PLPBP: variants seen among roughly 807,000 people sequenced by gnomAD.
PLPBP encodes pyridoxal phosphate homeostasis protein.
PLPBP carries 21 observed loss-of-function variants against 31.2 expected under a neutral mutation model. The observed-to-expected ratio is 0.67, with a 90% CI of 0.48 to 0.97. The LOEUF (loss-of-function observed/expected upper bound fraction) is 0.97, where lower values mean the gene tolerates loss of function less well. Ranked by LOEUF, PLPBP falls within the 50% of genes least tolerant of loss-of-function variation. PLPBP has a pLI of 0.00. For synonymous variants in PLPBP, 124 were observed against 135.6 expected, an observed-to-expected ratio of 0.91 and a Z score of 0.59; for missense variants, 308 against 354.4, an observed-to-expected ratio of 0.87 and a Z score of 1.05.
chr8:37,769,962 G>C (rs1803727407), intron 4 of PLPBP, among the ~76,000 whole-genome samples: 1 of 152,162 alleles, frequency 6.6e-6, no homozygotes, highest in Admixed American at 6.5e-5. Context: ...AATGAAAACT[G>C]TAAAACACTG....
At chr8:37,766,722 G>A in intron 4 of PLPBP, 6 of 815,918 alleles carry the variant, frequency 7.4e-6, no homozygotes, top group African/African-American at 1.9e-5. Flanking sequence ...ATACAGTAAA[G>A]TAAGTATAGT....
In PLPBP at chr8:37,776,053, G is replaced by T. The variant is rs368064212; in HGVS notation, c.696+37G>T. Reference sequence around the variant, plus strand: ...GCCAGTGCCCTGTCTGCCTCGAGGGGTGGGGGTAGGGGGTCTGAGAGGCTG... The same window carrying T: ...GCCAGTGCCCTGTCTGCCTCGAGGGTTGGGGGTAGGGGGTCTGAGAGGCTG... On this transcript the variant is annotated intron_variant, in intron 7 of 7. Coordinates refer to ENST00000328195, the MANE Select transcript of PLPBP (RefSeq NM_007198.4). 4 of 1,572,780 alleles carry T rather than the reference G, an allele frequency of 2.5e-6. No individual in the cohort carries two copies. In the Admixed American group the frequency reaches 6.7e-5, roughly 26 times the overall value.
chr8:37,775,394 C>G lies in PLPBP; in HGVS notation c.510C>G (p.Ala170=), dbSNP rs1228853601. Residue 170 remains alanine, a synonymous_variant, in exon 6 of 8, where the codon GCC becomes GCG. Coordinates refer to ENST00000328195, the MANE Select transcript of PLPBP (RefSeq NM_007198.4). ...TAGCCATCGTGGAGCACATAAACGC[C>G]AAGTGTCCTAACCTGGAGTTTGTGG... ...ETIAIVEHIN[A]KCPNLEFVGL... is the part of the protein sequence containing the mutation. 2 of 1,614,060 alleles carry G rather than the reference C, an allele frequency of 1.2e-6. No individual in the cohort carries two copies. Among genetic ancestry groups the G allele is most frequent in the African/African-American group, 2.7e-5 (2 of 74,912 alleles).
At position 37,775,493 on chromosome 8, in the gene PLPBP, T is replaced by C; in HGVS notation, c.597+12T>C. 1 of 1,613,006 alleles carries C rather than the reference T, an allele frequency of 6.2e-7. No individual in the cohort carries two copies. The highest frequency in any genetic ancestry group is 2.2e-5 in the East Asian group (1 of 44,870). Reference sequence around the variant, plus strand: ...ATCCAGACTTCCAGGTACTGGGGGGTCGGGGAGATTGCTCGTGTGCTAAAG... The same window carrying C: ...ATCCAGACTTCCAGGTACTGGGGGGCCGGGGAGATTGCTCGTGTGCTAAAG... On this transcript the variant is annotated intron_variant, in intron 6 of 7. Coordinates refer to ENST00000328195, the MANE Select transcript of PLPBP (RefSeq NM_007198.4).
intron 5 of PLPBP, 110 bp from the exon 6 acceptor site, chr8:37,775,229 G>A (rs530331107): frequency 1.5e-6 from 2 of 1,297,746 alleles, no homozygotes; most frequent in African/African-American, 1.5e-5. Context: ...CTTTCAAGAG[G>A]TTCTCTTGTT....
intron 4 of PLPBP, among the ~76,000 whole-genome samples, chr8:37,772,063 A>G (rs1013850325): frequency 1.3e-5 from 2 of 152,272 alleles, no homozygotes; most frequent in African/African-American, 2.4e-5. Flanking sequence ...ATACTTGTAC[A>G]TAGCACCAAG....
Position 37,767,036 on chromosome 8 carries a change from G to C in PLPBP, c.319+681G>C, listed in dbSNP as rs148253675. 7.1e-3 allele frequency among the ~76,000 whole-genome samples: 627 copies of C among 87,960 alleles called. 6 individuals carry two copies. Among genetic ancestry groups the C allele is most frequent in the African/African-American group, 0.028 (595 of 21,438 alleles). The allele number at this position is 87,960 out of a possible 152,430, so 57.7% of individuals were successfully genotyped here. On this transcript the variant is annotated intron_variant, in intron 4 of 7. Coordinates refer to ENST00000328195, the MANE Select transcript of PLPBP (RefSeq NM_007198.4). Reference sequence around the variant, plus strand: ...CACTCCAGACTAGGTAACAGAGCAAGACTTCATCCCAAAAAAAAAAAAAAA... The same window carrying C: ...CACTCCAGACTAGGTAACAGAGCAACACTTCATCCCAAAAAAAAAAAAAAA...
chr8:37,778,211 A>G lies in PLPBP; in HGVS notation c.*107A>G. 7.3e-7 allele frequency: 1 copy of G among 1,370,820 alleles called. No individual in the cohort carries two copies. The highest frequency in any genetic ancestry group is 9.9e-7 in the Non-Finnish European group (1 of 1,006,736). 84.9% of individuals were successfully genotyped at this position (1,370,820 alleles called of 1,614,324 possible). Reference sequence around the variant, plus strand: ...TCTCCTGTGACCTGTGGAGAGCACTAATGATCACGTGTGTTGATGGAAACC... The same window carrying G: ...TCTCCTGTGACCTGTGGAGAGCACTGATGATCACGTGTGTTGATGGAAACC... On this transcript the variant is annotated 3_prime_UTR_variant, in exon 8 of 8. Coordinates refer to ENST00000328195, the MANE Select transcript of PLPBP (RefSeq NM_007198.4).
At position 37,765,632 on chromosome 8, in the gene PLPBP, A is replaced by G; in HGVS notation, c.206A>G (p.Tyr69Cys). The stretch of plus-strand genomic sequence containing the variant: ...GGGCAGCGCACTTTTGGCGAGAACT[A>G]CGTAAGAGCCCTTTCCTGAAGCCCT... ...GHGQRTFGENYVQELLEKASN... is the reference protein window; with the variant it reads ...GHGQRTFGENCVQELLEKASN... Residue 69 changes from tyrosine (Y) to cysteine (C), a missense_variant and splice_region_variant, in exon 2 of 8, where the codon TAC (tyrosine) becomes TGC (cysteine). By Grantham distance (194) the Tyr-to-Cys change is radical. Transcript: ENST00000328195. 2 of 1,614,230 alleles carry G rather than the reference A, an allele frequency of 1.2e-6. No individual in the cohort carries two copies. The highest frequency in any genetic ancestry group is 1.7e-6 in the Non-Finnish European group (2 of 1,180,046).
At position 37,764,213 on chromosome 8, in the gene PLPBP, C is replaced by T. The variant is rs555760548; in HGVS notation, c.100-1313C>T. ...CACCTCCCGGGTTCACGCAATTCTC[C>T]TGCCTCAGCCTCCTGAGTAGCTGGG... is the stretch of plus-strand genomic sequence containing the variant. On this transcript the variant is annotated intron_variant, in intron 1 of 7. Transcript: ENST00000328195. Among the ~76,000 whole-genome samples, 19 of 152,222 alleles carry T rather than the reference C, an allele frequency of 1.2e-4. No individual in the cohort carries two copies. The South Asian group carries it at 3.7e-3, about 30-fold the overall frequency.
chr8:37,776,105 A>T (rs1803901410), intron 7 of PLPBP, 89 bp downstream of exon 7: 1 of 1,273,408 alleles, frequency 7.9e-7, no homozygotes, highest in Admixed American at 1.8e-5. Flanking sequence ...TTGCTGTAGA[A>T]GCCTTGGAAA....
chr8:37,768,472 T>C (rs943953596), intron 4 of PLPBP, among the ~76,000 whole-genome samples: 7 of 140,402 alleles, frequency 5.0e-5, no homozygotes, highest in South Asian at 2.4e-4. Context: ...TTTCTTTTTT[T>C]TTTTTTTTTT....
At chr8:37,765,872 A>G in intron 3 of PLPBP, 126 bp downstream of exon 3, 1 of 1,002,576 alleles carries the variant, frequency 1.0e-6, no homozygotes, top group Middle Eastern at 3.1e-4. Context: ...TGGGCCAGGG[A>G]TAGAAATGTC....
In PLPBP at chr8:37,765,867, C is replaced by A. The variant is rs989853275; in HGVS notation, c.243+121C>A. On this transcript the variant is annotated intron_variant, in intron 3 of 7. Coordinates refer to ENST00000328195, the MANE Select transcript of PLPBP (RefSeq NM_007198.4). ...TAGGGTGGTTGACTTTAGATTGGGC[C>A]AGGGATAGAAATGTCAGCTTCCTCC... 4.5e-5 allele frequency: 48 copies of A among 1,054,988 alleles called. No homozygotes were observed. In the Admixed American group the frequency reaches 1.1e-3, roughly 24 times the overall value. The allele number at this position is 1,054,988 out of a possible 1,614,324, so 65.4% of individuals were successfully genotyped here.
intron 6 of PLPBP, 80 bp from the exon 7 acceptor site, chr8:37,775,838 T>A (rs1803887843): frequency 3.0e-6 from 4 of 1,344,820 alleles, no homozygotes; most frequent in Admixed American, 1.7e-5. Flanking sequence ...ATAACCGTTG[T>A]CAGAGAAGTT....
rs764045400 is a variant in PLPBP, at chr8:37,778,045, AC to A, written c.773del (p.Pro258ArgfsTer8). Reference protein sequence around the residue: ...FGERDYSKKPTPDKCAADVKA... With the variant: ...FGERDYSKKPXPDKCAADVKA... ...AGAGCGGGATTACTCAAAGAAACCCACCCCGGACAAGTGCGCAGCAGACGTG... is the reference window on the plus strand; with the variant it reads ...AGAGCGGGATTACTCAAAGAAACCCACCCGGACAAGTGCGCAGCAGACGTG... On this transcript the variant is annotated frameshift_variant, in exon 8 of 8. Transcript: ENST00000328195. LOFTEE classifies it low-confidence loss of function (END_TRUNC). 8 of 1,613,752 alleles carry A rather than the reference AC, an allele frequency of 5.0e-6. No individual in the cohort carries two copies. In the African/African-American group the frequency reaches 5.3e-5, roughly 11 times the overall value.
At chr8:37,770,549 T>C (rs953895088) in intron 4 of PLPBP, among the ~76,000 whole-genome samples, 11 of 152,190 alleles carry the variant, frequency 7.2e-5, no homozygotes, top group Admixed American at 3.9e-4. Context: ...GGGGAAACTC[T>C]CCAAGACATT....
intron 1 of PLPBP, among the ~76,000 whole-genome samples, chr8:37,764,988 T>G (rs1803583962): frequency 6.6e-6 from 1 of 152,116 alleles, no homozygotes; most frequent in Admixed American, 6.5e-5. Context: ...CTGACCAACA[T>G]GGGGAAACCC....
At chr8:37,765,799 T>G in intron 3 of PLPBP, 53 bp downstream of exon 3, 4 of 1,588,304 alleles carry the variant, frequency 2.5e-6, no homozygotes, top group Non-Finnish European at 3.4e-6. Context: ...GCTCTTTAGT[T>G]GAAAATTAGA....
Sources: gnomAD v4.1 joint callset for allele counts (sites outside exome capture counted in the v4.1 genomes callset) on GRCh38, gnomAD v4.1.1 for gene constraint, MANE v1.5 for transcripts, NCBI Gene and HGNC (gene_info 2026-07-23, HGNC 2026-07-21) for gene names.